The following LY96 variants were observed in gnomAD, a reference collection of about 807,000 sequenced individuals.
LY96 encodes the protein myeloid differentiation protein-2.
Under a neutral mutation model 18.9 loss-of-function variants are expected in LY96, and 18 were observed. The ratio of observed to expected loss-of-function variants is 0.95; its 90% CI spans 0.66 to 1.41. LY96 has a LOEUF of 1.41. LY96 is among the 40% of genes most tolerant of loss of function. The probability of loss-of-function intolerance (pLI) is 0.00; values close to 1 mark genes in which losing one functional copy is unlikely to be tolerated. For missense variants in LY96, 175 were observed against 182.4 expected, an observed-to-expected ratio of 0.96 and a Z score of 0.23; for synonymous variants, 66 against 62.6, an observed-to-expected ratio of 1.06 and a Z score of -0.26.
At chr8:74,019,346 TAC>T (rs1043491883) in intron 3 of LY96, among the ~76,000 whole-genome samples, 7 of 152,150 alleles carry the variant, frequency 4.6e-5, no homozygotes, top group African/African-American at 1.7e-4. Context: ...CCTGGACACA[TAC>T]ACCCTCCCAA....
At chr8:74,071,232 C>T in the LY96 span, among the ~76,000 whole-genome samples, 12 of 149,310 alleles carry the variant, frequency 8.0e-5, no homozygotes, top group Admixed American at 7.4e-4. Context: ...TAAGCAGGAT[C>T]AATTGTCTTA....
intron 1 of LY96, among the ~76,000 whole-genome samples, chr8:73,996,811 C>A (rs1006457941): frequency 6.6e-6 from 1 of 152,128 alleles, no homozygotes; most frequent in Non-Finnish European, 1.5e-5. Context: ...GTGGTGCAAT[C>A]TTGGCTCACA....
Position 74,020,100 on chromosome 8 carries a change from T to C in LY96, c.332-6689T>C, listed in dbSNP as rs146658813. On this transcript the variant is annotated intron_variant, in intron 3 of 4. Coordinates refer to ENST00000284818, the MANE Select transcript of LY96 (RefSeq NM_015364.5). ...TAAGGCAAGGGAAAGAAATAAAGGG[T>C]ATTCAATTAGGAAAAGAGGATGTCA... Among the ~76,000 whole-genome samples the C allele has an allele frequency of 7.8e-3, 1,189 of 152,250 alleles. 17 individuals carry two copies. Among genetic ancestry groups the C allele is most frequent in the African/African-American group, 0.026 (1,091 of 41,546 alleles).
chr8:74,049,727 A>T, the LY96 span, among the ~76,000 whole-genome samples: 3 of 152,234 alleles, frequency 2.0e-5, no homozygotes, highest in Non-Finnish European at 4.4e-5. Flanking sequence ...TTGGGAAGCA[A>T]AGAGTTAAAT....
chr8:74,099,799 A>G, the LY96 span: 2 of 152,284 alleles, frequency 1.3e-5, no homozygotes, highest in Admixed American at 1.3e-4. Context: ...GCCTCTGGGA[A>G]TGGCCACCCT....
intron 3 of LY96, among the ~76,000 whole-genome samples, chr8:74,015,982 G>A (rs1313167943): frequency 6.6e-6 from 1 of 152,214 alleles, no homozygotes; most frequent in Admixed American, 6.5e-5. Flanking sequence ...TTCCAACTGA[G>A]GTACCTGGTT....
chr8:73,996,376 T>TCTTC (rs1816138162), intron 1 of LY96, among the ~76,000 whole-genome samples: 1 of 17,970 alleles, frequency 5.6e-5, no homozygotes, highest in Non-Finnish European at 1.1e-4. Context: ...TTCATTCCTT[T>TCTTC]CTTTCTTTCT....
At chr8:74,020,317 C>A (rs1816732732) in intron 3 of LY96, among the ~76,000 whole-genome samples, 1 of 152,132 alleles carries the variant, frequency 6.6e-6, no homozygotes, top group South Asian at 2.1e-4. Flanking sequence ...CTCCCATTCA[C>A]AATTGCTACA....
At chr8:74,029,834 A>G (rs1816940046), downstream of LY96, among the ~76,000 whole-genome samples, 1 of 151,952 alleles carries the variant, frequency 6.6e-6, no homozygotes, top group African/African-American at 2.4e-5. Context: ...TAATTTTTGT[A>G]TTTTTAGTGG....
chr8:74,087,145 A>G, the LY96 span, among the ~76,000 whole-genome samples: 3 of 152,292 alleles, frequency 2.0e-5, no homozygotes, highest in African/African-American at 7.2e-5. Flanking sequence ...CTGGATCTGA[A>G]GCTTAGGGGT....
chr8:74,011,774 G>A (rs539178273), intron 3 of LY96, among the ~76,000 whole-genome samples: 1 of 150,994 alleles, frequency 6.6e-6, no homozygotes, highest in Non-Finnish European at 1.5e-5. Context: ...CAGGAGAATC[G>A]CTTGAACCCA....
At chr8:74,007,687 T>C (rs1816442177) in intron 2 of LY96, among the ~76,000 whole-genome samples, 1 of 152,234 alleles carries the variant, frequency 6.6e-6, no homozygotes, top group South Asian at 2.1e-4. Context: ...TTCAAGGTTA[T>C]TTCTGGAAGT....
chr8:74,081,374 G>T, the LY96 span, among the ~76,000 whole-genome samples: 3 of 151,340 alleles, frequency 2.0e-5, no homozygotes, highest in African/African-American at 7.3e-5. Flanking sequence ...TCCTACCTCA[G>T]CTTCTCAAGT....
the LY96 span, among the ~76,000 whole-genome samples, chr8:74,092,347 A>G: frequency 6.6e-6 from 1 of 152,198 alleles, no homozygotes; most frequent in Non-Finnish European, 1.5e-5. Context: ...GAAAATGAGT[A>G]CATGGCTTTA....
At chr8:74,069,227 A>G in the LY96 span, among the ~76,000 whole-genome samples, 1 of 152,208 alleles carries the variant, frequency 6.6e-6, no homozygotes, top group Admixed American at 6.5e-5. Context: ...CTGAAGTTTA[A>G]TCTATTTTTA....
rs773960612 is a variant in LY96 at position 74,004,838 on chromosome 8, T to C, written c.155T>C (p.Ile52Thr). 1 of 1,589,772 alleles carries C rather than the reference T, an allele frequency of 6.3e-7. No homozygotes were observed. The highest frequency in any genetic ancestry group is 8.6e-7 in the Non-Finnish European group (1 of 1,160,148). Reference sequence around the variant, plus strand: ...ATTTCAATTAATGTTAACCCCTGTATAGAATTGAAAAGATCCAAAGGATTA... The same window carrying C: ...ATTTCAATTAATGTTAACCCCTGTACAGAATTGAAAAGATCCAAAGGATTA... Reference protein sequence around the residue: ...YPISINVNPCIELKRSKGLLH... With the variant: ...YPISINVNPCTELKRSKGLLH... Residue 52 changes from isoleucine to threonine, a missense_variant, in exon 2 of 5, where the codon ATA becomes ACA. By Grantham distance (89) the Ile-to-Thr change is moderately conservative. Coordinates refer to ENST00000284818, the MANE Select transcript of LY96 (RefSeq NM_015364.5).
At chr8:74,090,634 A>G in the LY96 span, among the ~76,000 whole-genome samples, 1 of 152,158 alleles carries the variant, frequency 6.6e-6, no homozygotes, top group African/African-American at 2.4e-5. Flanking sequence ...TATTTTTAGT[A>G]TGTGGTCAAT....
intron 1 of LY96, among the ~76,000 whole-genome samples, chr8:73,996,834 T>C (rs1169450702): frequency 6.6e-6 from 1 of 152,134 alleles, no homozygotes; most frequent in Non-Finnish European, 1.5e-5. Context: ...AGTCTCTGCC[T>C]CCTGGGTTGA....
intron 3 of LY96, among the ~76,000 whole-genome samples, chr8:74,017,193 T>A (rs949601677): frequency 6.6e-6 from 1 of 152,156 alleles, no homozygotes; most frequent in Non-Finnish European, 1.5e-5. Flanking sequence ...ATAAACAGTG[T>A]AGAGAAGACC....
Sources: gnomAD v4.1 joint callset for allele counts (sites outside exome capture counted in the v4.1 genomes callset) on GRCh38, gnomAD v4.1.1 for gene constraint, MANE v1.5 for transcripts, NCBI Gene and HGNC (gene_info 2026-07-23, HGNC 2026-07-21) for gene names.